FHIT: variants seen among roughly 807,000 people sequenced by gnomAD.
FHIT encodes fragile histidine triad diadenosine triphosphatase.
A neutral mutation model predicts 17.9 loss-of-function variants in FHIT; 19 were observed. That is an observed-to-expected ratio of 1.06 (90% CI 0.74 to 1.56). The LOEUF is 1.56. Ranked by LOEUF, FHIT falls within the 40% of genes most tolerant of loss-of-function variation. The probability of loss-of-function intolerance (pLI) is 0.00; values close to 1 mark genes in which losing one functional copy is unlikely to be tolerated. For missense variants in FHIT, 248 were observed against 189.2 expected, an observed-to-expected ratio of 1.31 and a Z score of -1.82; for synonymous variants, 81 against 69.7, an observed-to-expected ratio of 1.16 and a Z score of -0.81.
At chr3:59,979,377 G>C (rs1708551181) in intron 7 of FHIT, among the ~76,000 whole-genome samples, 1 of 152,024 alleles carries the variant, frequency 6.6e-6, no homozygotes, top group Non-Finnish European at 1.5e-5. Context: ...CACATATTTT[G>C]CATGTGTTTC....
intron 8 of FHIT, among the ~76,000 whole-genome samples, chr3:59,920,043 A>C (rs2107182141): frequency 6.6e-6 from 1 of 152,344 alleles, no homozygotes; most frequent in Admixed American, 6.5e-5. Flanking sequence ...CCTTGGAAAG[A>C]ATGGTAGATG....
chr3:61,016,774 T>C (rs549561927), intron 3 of FHIT, among the ~76,000 whole-genome samples: 1 of 152,370 alleles, frequency 6.6e-6, no homozygotes, highest in African/African-American at 2.4e-5. Flanking sequence ...GAATTACTTA[T>C]GTGTGTGCAC....
chr3:59,749,832 A>G (rs1700789130), intron 9 of FHIT: 1 of 223,750 alleles, frequency 4.5e-6, no homozygotes, highest in Non-Finnish European at 8.9e-6. Flanking sequence ...AGGGAGGTAT[A>G]GTTAGTCCCA....
intron 5 of FHIT, among the ~76,000 whole-genome samples, chr3:60,397,248 C>T (rs1701481249): frequency 6.6e-6 from 1 of 152,046 alleles, no homozygotes. Flanking sequence ...GGTTCTTTGA[C>T]CAAAAGACAC....
intron 5 of FHIT, among the ~76,000 whole-genome samples, chr3:60,435,572 G>A (rs1440347294): frequency 2.0e-5 from 3 of 152,006 alleles, no homozygotes; most frequent in Admixed American, 6.6e-5. Context: ...AAAAGCTTAG[G>A]CCTTCTTTTG....
intron 2 of FHIT, among the ~76,000 whole-genome samples, chr3:61,182,599 C>T (rs1276057856): frequency 6.6e-6 from 1 of 152,114 alleles, no homozygotes; most frequent in Non-Finnish European, 1.5e-5. Context: ...CTGTAACAAA[C>T]TGGTTTAAAT....
chr3:60,732,557 T>C (rs2042051713), intron 4 of FHIT: 7 of 636,894 alleles, frequency 1.1e-5, no homozygotes, highest in Admixed American at 1.1e-4. Context: ...TGGAACCTCG[T>C]CTGCAAACAG....
intron 2 of FHIT, among the ~76,000 whole-genome samples, chr3:61,063,180 C>T (rs1488218576): frequency 1.4e-5 from 2 of 146,792 alleles, no homozygotes; most frequent in Admixed American, 7.0e-5. Context: ...GGTGTAAACC[C>T]GGGAGGCAGA....
chr3:59,878,278 G>C (rs1703252614), intron 8 of FHIT, among the ~76,000 whole-genome samples: 1 of 151,876 alleles, frequency 6.6e-6, no homozygotes, highest in Non-Finnish European at 1.5e-5. Flanking sequence ...CTACACTTTG[G>C]ACTTCCAGGC....
chr3:61,211,191 C>A (rs1196676789), intron 1 of FHIT, among the ~76,000 whole-genome samples: 1 of 151,846 alleles, frequency 6.6e-6, no homozygotes, highest in African/African-American at 2.4e-5. Flanking sequence ...CAAGCCGAAG[C>A]AGGGTGAGGC....
intron 4 of FHIT, among the ~76,000 whole-genome samples, chr3:60,726,196 C>T (rs149799791): frequency 3.6e-4 from 55 of 152,246 alleles, no homozygotes; most frequent in African/African-American, 1.3e-3. Flanking sequence ...GAAATCTTAT[C>T]ACTCAAGATA....
At chr3:59,926,383 C>G (rs1030662192) in intron 7 of FHIT, among the ~76,000 whole-genome samples, 1 of 152,148 alleles carries the variant, frequency 6.6e-6, no homozygotes, top group Admixed American at 6.5e-5. Flanking sequence ...CAAGACAAAG[C>G]CTCTGTCCCC....
chr3:61,089,554 T>C (rs1559972532), intron 2 of FHIT, among the ~76,000 whole-genome samples: 2 of 152,166 alleles, frequency 1.3e-5, no homozygotes, highest in African/African-American at 4.8e-5. Flanking sequence ...TTGTAGCATG[T>C]ATACTTCAGT....
intron 4 of FHIT, among the ~76,000 whole-genome samples, chr3:60,638,876 G>A (rs566044391): frequency 4.0e-5 from 6 of 151,718 alleles, no homozygotes; most frequent in African/African-American, 1.5e-4. Flanking sequence ...AAAAAATGGT[G>A]TGTTGGGGGT....
intron 5 of FHIT, among the ~76,000 whole-genome samples, chr3:60,085,042 T>A (rs1368084966): frequency 6.6e-6 from 1 of 152,162 alleles, no homozygotes; most frequent in Admixed American, 6.5e-5. Context: ...TTGCCACTTC[T>A]AGGGACTGGC....
chr3:60,994,312 A>C (rs563631715), intron 3 of FHIT, among the ~76,000 whole-genome samples: 1 of 152,304 alleles, frequency 6.6e-6, no homozygotes, highest in East Asian at 1.9e-4. Flanking sequence ...ACAGTTACGC[A>C]TGTCTTAAAG....
At chr3:59,898,819 C>T (rs1426859631) in intron 8 of FHIT, among the ~76,000 whole-genome samples, 1 of 152,006 alleles carries the variant, frequency 6.6e-6, no homozygotes, top group Non-Finnish European at 1.5e-5. Flanking sequence ...ATAATAGCTG[C>T]AAAAACAACA....
chr3:60,362,376 G>T (rs566542072), intron 5 of FHIT, among the ~76,000 whole-genome samples: 2 of 152,108 alleles, frequency 1.3e-5, no homozygotes, highest in African/African-American at 4.8e-5. Flanking sequence ...AAACATGAAG[G>T]CTTTTCTGTT....
At chr3:60,325,591 C>T (rs1033257040) in intron 5 of FHIT, among the ~76,000 whole-genome samples, 6 of 152,148 alleles carry the variant, frequency 3.9e-5, no homozygotes, top group Non-Finnish European at 8.8e-5. Flanking sequence ...GCTAAAAATA[C>T]ATTCATTACA....
Sources: gnomAD v4.1 joint callset for allele counts (sites outside exome capture counted in the v4.1 genomes callset) on GRCh38, gnomAD v4.1.1 for gene constraint, MANE v1.5 for transcripts, NCBI Gene and HGNC (gene_info 2026-07-23, HGNC 2026-07-21) for gene names.